RBFOX1: variants seen among roughly 807,000 people sequenced by gnomAD.
RBFOX1 encodes RNA binding protein fox-1 homolog 1.
RBFOX1 carries 8 observed loss-of-function variants against 57.7 expected under a neutral mutation model. The ratio of observed to expected loss-of-function variants is 0.14; its 90% confidence interval spans 0.08 to 0.25. RBFOX1 has a LOEUF of 0.25. Ranked by LOEUF, RBFOX1 falls within the 10% of genes least tolerant of loss-of-function variation. The pLI is 1.00. For missense variants in RBFOX1, 611 were observed against 548.5 expected (o/e 1.11, Z -1.14); for synonymous variants, 326 against 222.4 (o/e 1.47, Z -4.15).
At chr16:7,207,591 G>A (rs1417843372) in intron 4 of RBFOX1, among the ~76,000 whole-genome samples, 2 of 152,176 alleles carry the variant, frequency 1.3e-5, no homozygotes, top group African/African-American at 4.8e-5. Context: ...ATAATGACAT[G>A]GAAACTATGA....
chr16:6,995,396 T>G (rs1178032800), intron 3 of RBFOX1, among the ~76,000 whole-genome samples: 2 of 151,650 alleles, frequency 1.3e-5, no homozygotes, highest in Non-Finnish European at 2.9e-5. Context: ...TTCACTTTAT[T>G]ATTGTGACGT....
intron 2 of RBFOX1, among the ~76,000 whole-genome samples, chr16:6,640,587 G>A (rs1047142993): frequency 6.6e-6 from 1 of 151,948 alleles, no homozygotes; most frequent in Admixed American, 6.6e-5. Context: ...CAGCCTCAGC[G>A]ACAGAGTAAG....
chr16:6,935,865 A>G (rs1167916238), intron 3 of RBFOX1, among the ~76,000 whole-genome samples: 3 of 152,146 alleles, frequency 2.0e-5, no homozygotes, highest in Non-Finnish European at 4.4e-5. Context: ...AGATCCTAGA[A>G]AGGAGGGATG....
intron 3 of RBFOX1, among the ~76,000 whole-genome samples, chr16:5,846,160 C>T (rs531562627): frequency 1.4e-4 from 20 of 147,368 alleles, no homozygotes; most frequent in Admixed American, 7.5e-4. Flanking sequence ...CCAGCCTGGG[C>T]GACAGAGTGA....
intron 4 of RBFOX1, among the ~76,000 whole-genome samples, chr16:6,004,662 A>C (rs930184159): frequency 6.6e-6 from 1 of 152,202 alleles, no homozygotes; most frequent in Admixed American, 6.5e-5. Context: ...AGAATGGTCT[A>C]TTTAATGCCC....
chr16:7,459,689 G>A (rs900895765), intron 4 of RBFOX1, among the ~76,000 whole-genome samples: 1 of 152,102 alleles, frequency 6.6e-6, no homozygotes, highest in African/African-American at 2.4e-5. Flanking sequence ...CACCATTTTG[G>A]CATTTCAAAA....
intron 3 of RBFOX1, among the ~76,000 whole-genome samples, chr16:5,786,145 C>T (rs751407567): frequency 3.9e-5 from 6 of 152,198 alleles, no homozygotes; most frequent in African/African-American, 1.2e-4. Context: ...ATTGCTCCAC[C>T]TCTCACCCCA....
chr16:6,944,571 T>A (rs1228135449), intron 3 of RBFOX1, among the ~76,000 whole-genome samples: 1 of 152,134 alleles, frequency 6.6e-6, no homozygotes, highest in Admixed American at 6.5e-5. Flanking sequence ...AGGAAATGTG[T>A]ACATTAAGAG....
At chr16:5,539,095 C>G (rs1369092949) in intron 2 of RBFOX1, among the ~76,000 whole-genome samples, 3 of 152,156 alleles carry the variant, frequency 2.0e-5, no homozygotes, top group Non-Finnish European at 4.4e-5. Context: ...CTTTCAGACT[C>G]TCTTGTGTCT....
chr16:5,455,017 TTCTTTCTC>T (rs1567536364), intron 1 of RBFOX1, among the ~76,000 whole-genome samples: 25 of 116,722 alleles, frequency 2.1e-4, no homozygotes, highest in African/African-American at 7.4e-4. Flanking sequence ...CTTTCTTTCT[TTCTTTCTC>T]TCTCTCTGTC....
intron 1 of RBFOX1, among the ~76,000 whole-genome samples, chr16:6,023,057 G>A (rs938918908): frequency 6.6e-6 from 1 of 152,238 alleles, no homozygotes; most frequent in South Asian, 2.1e-4. Flanking sequence ...AGGGGCCAGG[G>A]AAATGAGGAT....
intron 2 of RBFOX1, among the ~76,000 whole-genome samples, chr16:6,634,996 G>T (rs1220378787): frequency 7.1e-6 from 1 of 140,894 alleles, no homozygotes; most frequent in African/African-American, 2.6e-5. Flanking sequence ...TATATATAAT[G>T]TAATATAATA....
chr16:6,667,998 G>T (rs1259710885), intron 3 of RBFOX1, among the ~76,000 whole-genome samples: 1 of 152,142 alleles, frequency 6.6e-6, no homozygotes, highest in Non-Finnish European at 1.5e-5. Flanking sequence ...TAGATTCCTA[G>T]TGAGATCAGA....
At chr16:6,690,920 C>G (rs1315041743) in intron 3 of RBFOX1, among the ~76,000 whole-genome samples, 2 of 151,990 alleles carry the variant, frequency 1.3e-5, no homozygotes, top group African/African-American at 4.8e-5. Flanking sequence ...ATTTTCACCT[C>G]CGGCTAAATC....
chr16:5,878,513 T>G (rs1457699039), intron 4 of RBFOX1, among the ~76,000 whole-genome samples: 2 of 152,158 alleles, frequency 1.3e-5, no homozygotes, highest in South Asian at 4.1e-4. Flanking sequence ...CCAGCAAAGA[T>G]GGGGGAAGCA....
intron 1 of RBFOX1, among the ~76,000 whole-genome samples, chr16:5,380,805 T>G (rs1388842061): frequency 6.6e-6 from 1 of 152,236 alleles, no homozygotes; most frequent in Non-Finnish European, 1.5e-5. Context: ...AAAGGGACTT[T>G]TGCTTTGTGC....
At chr16:7,362,152 T>C (rs1445372989) in intron 4 of RBFOX1, among the ~76,000 whole-genome samples, 1 of 150,834 alleles carries the variant, frequency 6.6e-6, no homozygotes, top group African/African-American at 2.4e-5. Context: ...GTATGTGTGT[T>C]AGTGTATGTT....
Position 5,999,477 on chromosome 16 carries a change from A to G in RBFOX1, c.351+132142A>G, listed in dbSNP as rs76749722. On this transcript the variant is annotated intron_variant, in intron 4 of 19. Transcript: ENST00000641259. ...TTTTTAACCTCAAATTTCCTTAAAAACAGATAATGAAACAAAACTTACATG... is the reference window on the plus strand; with the variant it reads ...TTTTTAACCTCAAATTTCCTTAAAAGCAGATAATGAAACAAAACTTACATG... 4.1e-4 allele frequency among the ~76,000 whole-genome samples: 63 copies of G among 152,310 alleles called. 1 individual carries two copies. In the East Asian group the frequency reaches 0.012, roughly 29 times the overall value.
chr16:6,861,327 G>C (rs79269166), intron 3 of RBFOX1, among the ~76,000 whole-genome samples: 1 of 152,238 alleles, frequency 6.6e-6, no homozygotes, highest in East Asian at 1.9e-4. Flanking sequence ...GTCTTGGTAA[G>C]ATTGTTAAGG....
Sources: gnomAD v4.1 joint callset for allele counts (sites outside exome capture counted in the v4.1 genomes callset) on GRCh38, gnomAD v4.1.1 for gene constraint, MANE v1.5 for transcripts, NCBI Gene and HGNC (gene_info 2026-07-23, HGNC 2026-07-21) for gene names.